The following GLIS1 variants were observed in gnomAD, a reference collection of about 807,000 sequenced individuals.
The protein encoded by GLIS1 is zinc finger protein GLIS1.
In GLIS1, 24 loss-of-function variants were observed where a neutral mutation model predicts 63.8. The observed-to-expected ratio is 0.38, with a 90% CI of 0.27 to 0.53. GLIS1 has a LOEUF of 0.53. Ranked by LOEUF, GLIS1 falls within the 20% of genes least tolerant of loss-of-function variation. The probability of loss-of-function intolerance (pLI) is 0.85; values close to 1 mark genes in which losing one functional copy is unlikely to be tolerated. For synonymous variants in GLIS1, 450 were observed against 482.5 expected (o/e 0.93, Z 0.88); for missense variants, 1,036 against 1,074.1 (o/e 0.96, Z 0.50).
In GLIS1 at chr1:53,658,910, G is replaced by C. The variant is rs531947319; in HGVS notation, c.260-58632C>G. On this transcript the variant is annotated intron_variant, in intron 2 of 10. Coordinates refer to ENST00000628545, the MANE Select transcript of GLIS1 (RefSeq NM_001367484.1). ...AGGAAGAATGAGTGGGGAGGTGGGG[G>C]GCACAGCAGGCAGGAGGAAGGTCTG... 5.3e-5 allele frequency among the ~76,000 whole-genome samples: 8 copies of C among 152,252 alleles called. No individual in the cohort carries two copies. The East Asian group carries it at 1.5e-3, about 29-fold the overall frequency.
chr1:53,610,193 T>C (rs985323746), intron 2 of GLIS1, among the ~76,000 whole-genome samples: 32 of 152,254 alleles, frequency 2.1e-4, no homozygotes, highest in African/African-American at 7.7e-4. Context: ...CGTTACCAGA[T>C]AGTATTGTTT....
intron 7 of GLIS1, among the ~76,000 whole-genome samples, chr1:53,520,340 C>T (rs908905953): frequency 2.0e-5 from 3 of 151,990 alleles, no homozygotes; most frequent in African/African-American, 7.3e-5. Flanking sequence ...CAGGAGGACC[C>T]AGGCCCCATA....
intron 4 of GLIS1, among the ~76,000 whole-genome samples, chr1:53,580,369 AG>A (rs1645073227): frequency 6.6e-6 from 1 of 152,168 alleles, no homozygotes; most frequent in African/African-American, 2.4e-5. Flanking sequence ...GAGTGAGGCA[AG>A]AGGACACCTT....
intron 4 of GLIS1, among the ~76,000 whole-genome samples, chr1:53,543,885 G>A (rs77584244): frequency 0.01 from 1,559 of 152,100 alleles, 24 homozygotes; most frequent in African/African-American, 0.033. Flanking sequence ...GAAACACCCC[G>A]TGGCCACCAC....
intron 4 of GLIS1, among the ~76,000 whole-genome samples, chr1:53,531,072 C>A (rs956420650): frequency 2.6e-5 from 4 of 152,264 alleles, no homozygotes; most frequent in East Asian, 1.9e-4. Flanking sequence ...AGGGCTGTGA[C>A]ATGGCAATGA....
intron 2 of GLIS1, among the ~76,000 whole-genome samples, chr1:53,665,135 G>A (rs1646077372): frequency 6.6e-6 from 1 of 152,206 alleles, no homozygotes; most frequent in African/African-American, 2.4e-5. Flanking sequence ...AAGCAAGAAT[G>A]GTGCTAGCTT....
intron 2 of GLIS1, among the ~76,000 whole-genome samples, chr1:53,680,279 T>C (rs1557518404): frequency 6.6e-6 from 1 of 152,156 alleles, no homozygotes; most frequent in Non-Finnish European, 1.5e-5. Context: ...ATAAGCCTCA[T>C]AGATAGGAAC....
chr1:53,674,346 A>G lies in GLIS1; in HGVS notation c.259+63460T>C, dbSNP rs575008058. ...GAAATCCAAATTCTCACCCCAACCTATTGAAACAGAATCTCTGTGGACAGG... is the reference window on the plus strand; with the variant it reads ...GAAATCCAAATTCTCACCCCAACCTGTTGAAACAGAATCTCTGTGGACAGG... On this transcript the variant is annotated intron_variant, in intron 2 of 10. Coordinates refer to ENST00000628545, the MANE Select transcript of GLIS1 (RefSeq NM_001367484.1). Among the ~76,000 whole-genome samples, 9 of 152,300 alleles carry G rather than the reference A, an allele frequency of 5.9e-5. No homozygotes were observed. The East Asian group carries it at 1.7e-3, about 29-fold the overall frequency.
At chr1:53,707,734 G>GT (rs1400653723) in intron 2 of GLIS1, among the ~76,000 whole-genome samples, 1 of 151,092 alleles carries the variant, frequency 6.6e-6, no homozygotes, top group African/African-American at 2.4e-5. Context: ...CTTATCTTTT[G>GT]TACAGATAGG....
chr1:53,691,223 C>T (rs1371915564), intron 2 of GLIS1, among the ~76,000 whole-genome samples: 3 of 152,114 alleles, frequency 2.0e-5, no homozygotes, highest in Admixed American at 6.6e-5. Flanking sequence ...CAGGCTAGGG[C>T]GCACTCCCGC....
intron 2 of GLIS1, among the ~76,000 whole-genome samples, chr1:53,732,738 AC>A (rs1222278935): frequency 2.6e-5 from 4 of 151,528 alleles, no homozygotes; most frequent in Admixed American, 2.0e-4. Flanking sequence ...AAAATAAACT[AC>A]CCCCCACCAA....
chr1:53,593,407 T>A (rs1645212135), intron 4 of GLIS1, among the ~76,000 whole-genome samples: 1 of 152,242 alleles, frequency 6.6e-6, no homozygotes, highest in African/African-American at 2.4e-5. Context: ...GCTGGAGGCC[T>A]GAGTACTCAC....
At chr1:53,644,155 T>C (rs993211313) in intron 2 of GLIS1, among the ~76,000 whole-genome samples, 1 of 152,192 alleles carries the variant, frequency 6.6e-6, no homozygotes, top group African/African-American at 2.4e-5. Flanking sequence ...CTCTCTGTCC[T>C]ACCACCATCC....
At chr1:53,561,962 C>T (rs577555431) in intron 4 of GLIS1, among the ~76,000 whole-genome samples, 4 of 152,348 alleles carry the variant, frequency 2.6e-5, no homozygotes, top group Admixed American at 1.3e-4. Flanking sequence ...CATTTGTCCA[C>T]AGAGCCAGCA....
At chr1:53,527,129 C>T (rs139636471) in intron 5 of GLIS1, among the ~76,000 whole-genome samples, 261 of 152,372 alleles carry the variant, frequency 1.7e-3, no homozygotes, top group Non-Finnish European at 2.9e-3. Flanking sequence ...CTGAGACCTA[C>T]ATTTTGCCCA....
chr1:53,721,236 A>C (rs1444196365), intron 2 of GLIS1, among the ~76,000 whole-genome samples: 2 of 152,150 alleles, frequency 1.3e-5, no homozygotes, highest in African/African-American at 4.8e-5. Flanking sequence ...CAGGAGCAGA[A>C]ATCTTATTTA....
At chr1:53,664,289 C>A (rs1459012898) in intron 2 of GLIS1, among the ~76,000 whole-genome samples, 1 of 152,158 alleles carries the variant, frequency 6.6e-6, no homozygotes, top group Non-Finnish European at 1.5e-5. Flanking sequence ...CCCACACACC[C>A]CCTCCAGGAA....
chr1:53,552,495 T>C (rs1456832301), intron 4 of GLIS1, among the ~76,000 whole-genome samples: 1 of 152,248 alleles, frequency 6.6e-6, no homozygotes, highest in Non-Finnish European at 1.5e-5. Flanking sequence ...ACCACAAAGA[T>C]TGTTGTCTTT....
At chr1:53,636,392 G>A (rs978907969) in intron 2 of GLIS1, among the ~76,000 whole-genome samples, 6 of 151,626 alleles carry the variant, frequency 4.0e-5, no homozygotes, top group Middle Eastern at 3.4e-3. Flanking sequence ...ATAAAAATTC[G>A]ACATCCACTC....
Sources: gnomAD v4.1 joint callset for allele counts (sites outside exome capture counted in the v4.1 genomes callset) on GRCh38, gnomAD v4.1.1 for gene constraint, MANE v1.5 for transcripts, NCBI Gene and HGNC (gene_info 2026-07-23, HGNC 2026-07-21) for gene names.